Variants in NAV2 observed in about 807,000 individuals in gnomAD.
NAV2 encodes the protein helicase, APC down-regulated 1.
Under a neutral mutation model 223.2 loss-of-function variants are expected in NAV2, and 54 were observed. That is an observed-to-expected ratio of 0.24 (90% confidence interval 0.19 to 0.30). NAV2 has a LOEUF of 0.30. NAV2 is among the 10% of genes least tolerant of loss of function. The probability of loss-of-function intolerance (pLI) is 1.00; values close to 1 mark genes in which losing one functional copy is unlikely to be tolerated. For missense variants in NAV2, 2,806 were observed against 3,147.5 expected, an observed-to-expected ratio of 0.89 and a Z score of 2.60; for synonymous variants, 1,279 against 1,239.3, an observed-to-expected ratio of 1.03 and a Z score of -0.67.
In NAV2 at chr11:19,713,927, A is replaced by C; in HGVS notation, c.232A>C (p.Lys78Gln). The C allele has an allele frequency of 1.2e-6, 2 of 1,613,464 alleles. No homozygotes were observed. The highest frequency in any genetic ancestry group is 1.7e-6 in the Non-Finnish European group (2 of 1,179,970). ...EPAGEGLPLR[K>Q]SGSVENGFDT... Reference sequence around the variant, plus strand: ...AGCGGGGGAGGGGCTCCCGCTGCGGAAGAGCGGCTCGGTGGAAAACGGGTT... The same window carrying C: ...AGCGGGGGAGGGGCTCCCGCTGCGGCAGAGCGGCTCGGTGGAAAACGGGTT... The change falls in exon 1 of 38, where the codon AAG becomes CAG. Residue 78 changes from lysine to glutamine, a missense_variant. Physicochemically the swap from Lys to Gln is moderately conservative, Grantham distance 53. This residue lies in a region of NAV2 where 1,167 missense variants were observed against 1,180.5 expected (regional missense o/e 0.99). Coordinates refer to ENST00000349880, the MANE Select transcript of NAV2 (RefSeq NM_145117.5). This position sits in a 1 kb window ranked among gnomAD's most constrained non-coding sequence, Gnocchi z 7.2.
chr11:20,020,025 A>G (rs2054362028), intron 11 of NAV2, among the ~76,000 whole-genome samples: 1 of 150,598 alleles, frequency 6.6e-6, no homozygotes, highest in South Asian at 2.1e-4. Context: ...GTTTGATTTG[A>G]TGAGATTAGT....
Position 20,068,338 on chromosome 11 carries a change from G to A in NAV2, c.4923G>A (p.Arg1641=), listed in dbSNP as rs764873468. ...EKCQSEIRKL[R]RELDASQEKV... ...GTCATCTTTAGATTCGCAAGCTGCGGCGGGAACTGGATGCCTCCCAGGAGA... is the reference window on the plus strand; with the variant it reads ...GTCATCTTTAGATTCGCAAGCTGCGACGGGAACTGGATGCCTCCCAGGAGA... Residue 1641 remains arginine (R), a synonymous_variant, in exon 22 of 38, where the codon CGG becomes CGA. Coordinates refer to ENST00000349880, the MANE Select transcript of NAV2 (RefSeq NM_145117.5). 5.6e-6 allele frequency: 9 copies of A among 1,614,074 alleles called. No homozygotes were observed. Among genetic ancestry groups the A allele is most frequent in the Middle Eastern group, 1.6e-4 (1 of 6,084 alleles).
chr11:19,862,530 G>C (rs756780156), intron 3 of NAV2, among the ~76,000 whole-genome samples: 1 of 152,206 alleles, frequency 6.6e-6, no homozygotes, highest in Admixed American at 6.5e-5. Context: ...ACATCAGCCT[G>C]AGTAGCTTAC....
At position 19,859,137 on chromosome 11, in the gene NAV2, C is replaced by CTTTTTTTTTTTTTTT. The variant is rs569446282; in HGVS notation, c.439-9780_439-9766dup. 4.1e-3 allele frequency among the ~76,000 whole-genome samples: 434 copies of CTTTTTTTTTTTTTTT among 106,964 alleles called. 3 individuals carry two copies. Among genetic ancestry groups the CTTTTTTTTTTTTTTT allele is most frequent in the Middle Eastern group, 0.012 (2 of 172 alleles). 70.2% of individuals were successfully genotyped at this position (106,964 alleles called of 152,430 possible). A position where few individuals can be genotyped will look rare whatever the true frequency, so the allele number is the denominator to read the frequency against. ...ATGGAGGAGTCCAAAATCATATTCT[C>CTTTTTTTTTTTTTTT]TTTTTTTTTTTTTTTTTTTTTTATT... On this transcript the variant is annotated intron_variant, in intron 3 of 37. Coordinates refer to ENST00000349880, the MANE Select transcript of NAV2 (RefSeq NM_145117.5).
chr11:20,037,873 C>A (rs2056541440), intron 12 of NAV2, among the ~76,000 whole-genome samples: 1 of 151,750 alleles, frequency 6.6e-6, no homozygotes, highest in Non-Finnish European at 1.5e-5. Flanking sequence ...ATTGTATATT[C>A]AAGATAAGAA....
chr11:19,908,131 G>A (rs1234558331), intron 6 of NAV2, among the ~76,000 whole-genome samples: 1 of 152,232 alleles, frequency 6.6e-6, no homozygotes, highest in East Asian at 1.9e-4. Context: ...TCATTAAGGA[G>A]CCCCTCAGAT....
intron 1 of NAV2, among the ~76,000 whole-genome samples, chr11:19,549,830 G>C (rs902083330): frequency 1.3e-5 from 2 of 152,246 alleles, no homozygotes; most frequent in Non-Finnish European, 2.9e-5. Context: ...GGGCACCATA[G>C]ACCAGATGAC....
chr11:19,634,374 G>T (rs1448978405), intron 1 of NAV2, among the ~76,000 whole-genome samples: 1 of 152,148 alleles, frequency 6.6e-6, no homozygotes, highest in African/African-American at 2.4e-5. Context: ...GAATAGAAAA[G>T]ATAACTACTG....
At chr11:19,573,381 T>G (rs1465501373) in intron 1 of NAV2, among the ~76,000 whole-genome samples, 2 of 152,186 alleles carry the variant, frequency 1.3e-5, no homozygotes, top group Non-Finnish European at 1.5e-5. Context: ...GTCTTTGAAG[T>G]CAGGGATTTT....
chr11:19,934,314 T>G (rs1384878929), intron 7 of NAV2, 37 bp downstream of exon 7: 1 of 1,519,486 alleles, frequency 6.6e-7, no homozygotes, highest in Non-Finnish European at 8.8e-7. Context: ...CCTGGGACAT[T>G]GGGTAAAAGT....
At chr11:19,478,165 G>A (rs1212153972) in intron 1 of NAV2, among the ~76,000 whole-genome samples, 3 of 152,352 alleles carry the variant, frequency 2.0e-5, no homozygotes, top group Middle Eastern at 3.4e-3. Flanking sequence ...GGTGCCAGGG[G>A]AGAGATAGTA....
chr11:19,936,716 G>A (rs961939976), intron 7 of NAV2, among the ~76,000 whole-genome samples: 5 of 152,178 alleles, frequency 3.3e-5, no homozygotes, highest in Non-Finnish European at 7.3e-5. Context: ...TGTGGGTACA[G>A]AGTCCGCTAA....
At chr11:19,709,774 T>C (rs1239619489), upstream of NAV2, among the ~76,000 whole-genome samples, 1 of 151,646 alleles carries the variant, frequency 6.6e-6, no homozygotes, top group Non-Finnish European at 1.5e-5. Flanking sequence ...CCTGGGAAAT[T>C]AGAGCAAAAC....
Position 20,055,647 on chromosome 11 carries a change from A to T in NAV2, c.4643-122A>T. ...GATGGGACTACCTTTTAGAAAACAG[A>T]TGGGAGAAGAGTTGGCAGAAACACA... On this transcript the variant is annotated intron_variant, in intron 18 of 37. Transcript: ENST00000349880. The T allele has an allele frequency of 4.7e-6, 4 of 842,228 alleles. No individual in the cohort carries two copies. The South Asian group carries it at 7.1e-5, about 15-fold the overall frequency. 52.2% of individuals were successfully genotyped at this position (842,228 alleles called of 1,614,324 possible).
intron 1 of NAV2, among the ~76,000 whole-genome samples, chr11:19,601,069 A>T (rs1380581754): frequency 1.3e-5 from 2 of 152,164 alleles, no homozygotes; most frequent in Non-Finnish European, 2.9e-5. Context: ...TGGTCTTTGA[A>T]TTCTGCTATC....
intron 5 of NAV2, among the ~76,000 whole-genome samples, chr11:19,883,173 AG>A (rs1262099847): frequency 6.6e-6 from 1 of 152,220 alleles, no homozygotes; most frequent in African/African-American, 2.4e-5. Context: ...GAAGCTATCT[AG>A]GTTCAGCACC....
intron 1 of NAV2, among the ~76,000 whole-genome samples, chr11:19,728,956 C>A (rs2051493868): frequency 6.6e-6 from 1 of 152,130 alleles, no homozygotes; most frequent in African/African-American, 2.4e-5. Flanking sequence ...CAAGAGTGCA[C>A]CCCTTCCTTC....
rs1021003107 is a variant in NAV2, at chr11:19,444,430, G to A, written c.75+93403G>A. ...GTGGCTAAGTTCTGGCAAATACAGC[G>A]TGGATAGAAGTGATGTAATGCCTCT... On this transcript the variant is annotated intron_variant, in intron 1 of 37. Coordinates refer to the NAV2 transcript ENST00000360655. 7.9e-5 allele frequency among the ~76,000 whole-genome samples: 12 copies of A among 152,196 alleles called. 1 individual carries two copies. The highest frequency in any genetic ancestry group is 5.8e-4 in the East Asian group (3 of 5,162).
chr11:19,779,598 C>T (rs2056580231), intron 1 of NAV2, among the ~76,000 whole-genome samples: 1 of 152,132 alleles, frequency 6.6e-6, no homozygotes, highest in African/African-American at 2.4e-5. Context: ...CTTACTAATC[C>T]CTGAATCAGT....
Sources: gnomAD v4.1 joint callset for allele counts (sites outside exome capture counted in the v4.1 genomes callset) on GRCh38, gnomAD v4.1.1 for gene constraint, gnomAD v4.1.1 regional missense constraint, Gnocchi (gnomAD v3.1) non-coding constraint, MANE v1.5 for transcripts, NCBI Gene and HGNC (gene_info 2026-07-23, HGNC 2026-07-21) for gene names.